The following ULK4 variants were observed in gnomAD, a reference collection of about 807,000 sequenced individuals.
ULK4 encodes the protein unc-51 like kinase 4, also known as inactive serine/threonine-protein kinase ULK4.
A neutral mutation model predicts 160.6 loss-of-function variants in ULK4; 133 were observed. That is an observed-to-expected ratio of 0.83 (90% CI 0.72 to 0.96). The LOEUF (loss-of-function observed/expected upper bound fraction) is 0.96, where lower values mean the gene tolerates loss of function less well. Ranked by LOEUF, ULK4 falls within the 40% of genes least tolerant of loss-of-function variation. The pLI, the probability that ULK4 is intolerant of heterozygous loss-of-function variation, is 0.00. For missense variants in ULK4, 1,580 were observed against 1,499.5 expected (o/e 1.05, Z -0.89); for synonymous variants, 534 against 539.8 (o/e 0.99, Z 0.15).
chr3:41,703,057 T>C (rs375183168), intron 27 of ULK4, among the ~76,000 whole-genome samples: 2 of 151,960 alleles, frequency 1.3e-5, no homozygotes, highest in Middle Eastern at 3.2e-3. Flanking sequence ...TTTCACCATG[T>C]TGGCCAGGAT....
chr3:41,261,560 C>T (rs1193332010), intron 35 of ULK4, among the ~76,000 whole-genome samples: 5 of 152,204 alleles, frequency 3.3e-5, no homozygotes, highest in Admixed American at 3.3e-4. Context: ...AGCCGTGTTT[C>T]TAGCCCCACT....
At chr3:41,284,226 C>T (rs561616154) in intron 35 of ULK4, among the ~76,000 whole-genome samples, 9 of 152,134 alleles carry the variant, frequency 5.9e-5, no homozygotes, top group Middle Eastern at 6.8e-3. Flanking sequence ...TAATTCTTCA[C>T]AAAATTAGAA....
intron 18 of ULK4, among the ~76,000 whole-genome samples, chr3:41,831,531 A>ATATATATATATATTT: frequency 7.2e-6 from 1 of 138,066 alleles, no homozygotes; most frequent in African/African-American, 2.8e-5. Context: ...ATATATATAT[A>ATATATATATATATTT]TTTTTTTTTC....
chr3:41,788,337 C>T (rs1259464708), intron 21 of ULK4, among the ~76,000 whole-genome samples: 2 of 152,042 alleles, frequency 1.3e-5, no homozygotes, highest in Non-Finnish European at 2.9e-5. Context: ...GGTTCCATTC[C>T]ACACTTCTAA....
At chr3:41,590,461 CAAAAAAAAAAAAAAA>C (rs71075479) in intron 31 of ULK4, among the ~76,000 whole-genome samples, 1 of 56,916 alleles carries the variant, frequency 1.8e-5, no homozygotes, top group Non-Finnish European at 3.2e-5. Flanking sequence ...ACTAAAAATA[CAAAAAAAAAAAAAAA>C]AAAAAAAAAA....
At chr3:41,532,443 A>G (rs2086351223) in intron 32 of ULK4, among the ~76,000 whole-genome samples, 1 of 152,214 alleles carries the variant, frequency 6.6e-6, no homozygotes, top group Admixed American at 6.5e-5. Context: ...AACATCTAGC[A>G]TCATCTAACA....
intron 2 of ULK4, among the ~76,000 whole-genome samples, chr3:41,951,958 T>C (rs544612847): frequency 6.6e-4 from 100 of 152,184 alleles, no homozygotes; most frequent in Non-Finnish European, 1.2e-3. Context: ...CTGTGACCAA[T>C]AAATTTCTGT....
chr3:41,631,698 C>G (rs1047056244), intron 30 of ULK4, among the ~76,000 whole-genome samples: 5 of 151,878 alleles, frequency 3.3e-5, no homozygotes, highest in Admixed American at 2.6e-4. Context: ...ACCTGTTGAA[C>G]AAAATAAGGC....
chr3:41,647,850 C>T (rs1007231245), intron 30 of ULK4, among the ~76,000 whole-genome samples: 4 of 152,220 alleles, frequency 2.6e-5, no homozygotes, highest in Admixed American at 6.5e-5. Context: ...GGGCTCCACC[C>T]AGTTTGAGCT....
chr3:41,306,687 G>A (rs1220154465), intron 35 of ULK4, among the ~76,000 whole-genome samples: 3 of 152,006 alleles, frequency 2.0e-5, no homozygotes, highest in Non-Finnish European at 4.4e-5. Flanking sequence ...TGACAATGGC[G>A]GTTTTGTGGA....
At chr3:41,527,070 T>G (rs55966446) in intron 32 of ULK4, among the ~76,000 whole-genome samples, 22,788 of 152,146 alleles carry the variant, frequency 0.15, 1,807 homozygotes, top group Admixed American at 0.19. Flanking sequence ...CTCATTTAAC[T>G]CTTATGAACT....
At chr3:41,369,887 GC>G (rs1289663881) in intron 35 of ULK4, among the ~76,000 whole-genome samples, 4 of 151,190 alleles carry the variant, frequency 2.6e-5, no homozygotes, top group African/African-American at 7.3e-5. Flanking sequence ...ATTAAAACCT[GC>G]CCAGGCCAGG....
At chr3:41,630,455 G>A (rs944208389) in intron 30 of ULK4, among the ~76,000 whole-genome samples, 2 of 152,066 alleles carry the variant, frequency 1.3e-5, no homozygotes, top group African/African-American at 4.8e-5. Flanking sequence ...AGCGAGTGAG[G>A]ATCTCCTCCA....
At chr3:41,305,366 G>A (rs974032884) in intron 35 of ULK4, among the ~76,000 whole-genome samples, 1 of 152,210 alleles carries the variant, frequency 6.6e-6, no homozygotes, top group African/African-American at 2.4e-5. Context: ...GAGTGCCTGC[G>A]ATTGCAGGCT....
intron 24 of ULK4, 38 bp downstream of exon 24, chr3:41,715,409 G>A: frequency 6.2e-7 from 1 of 1,613,554 alleles, no homozygotes; most frequent in Non-Finnish European, 8.5e-7. Context: ...AAGAGAAGAG[G>A]CAAATTTATA....
chr3:41,481,513 A>C (rs1314260056), intron 32 of ULK4, among the ~76,000 whole-genome samples: 1 of 152,202 alleles, frequency 6.6e-6, no homozygotes, highest in African/African-American at 2.4e-5. Context: ...GAATGTCCTG[A>C]TATCCCACTG....
intron 17 of ULK4, among the ~76,000 whole-genome samples, chr3:41,873,550 GTTTGT>G (rs1697190604): frequency 6.6e-6 from 1 of 151,832 alleles, no homozygotes; most frequent in South Asian, 2.1e-4. Flanking sequence ...TTTGTTTTGT[GTTTGT>G]TTTGTTTTTT....
chr3:41,578,981 CTATT>C (rs1388047376), intron 31 of ULK4, among the ~76,000 whole-genome samples: 1 of 152,166 alleles, frequency 6.6e-6, no homozygotes, highest in Non-Finnish European at 1.5e-5. Flanking sequence ...TCTTCAGTAT[CTATT>C]CTGGGACAAA....
intron 27 of ULK4, among the ~76,000 whole-genome samples, chr3:41,700,286 C>T (rs1305303510): frequency 6.6e-6 from 1 of 152,114 alleles, no homozygotes; most frequent in Non-Finnish European, 1.5e-5. Flanking sequence ...AAGCACTTAG[C>T]AACAACACAA....
Sources: allele counts gnomAD v4.1 joint callset (sites outside exome capture counted in the v4.1 genomes callset), GRCh38; gene constraint gnomAD v4.1.1; transcripts MANE v1.5; gene names NCBI Gene and HGNC (gene_info 2026-07-23, HGNC 2026-07-21).